PPP3CA: variants seen among roughly 807,000 people sequenced by gnomAD.
PPP3CA encodes CAM-PRP catalytic subunit.
In PPP3CA, 14 loss-of-function variants were observed where a neutral mutation model predicts 66.5. The ratio of observed to expected loss-of-function variants is 0.21; its 90% CI spans 0.14 to 0.33. The LOEUF (loss-of-function observed/expected upper bound fraction) is 0.33, where lower values mean the gene tolerates loss of function less well. PPP3CA is among the 10% of genes least tolerant of loss of function. The pLI, the probability that PPP3CA is intolerant of heterozygous loss-of-function variation, is 1.00. For missense variants in PPP3CA, 317 were observed against 639.5 expected, an observed-to-expected ratio of 0.50 and a Z score of 5.44; for synonymous variants, 232 against 226.2, an observed-to-expected ratio of 1.03 and a Z score of -0.23.
intron 1 of PPP3CA, among the ~76,000 whole-genome samples, chr4:101,279,765 G>T (rs775699597): frequency 3.3e-5 from 5 of 152,262 alleles, no homozygotes; most frequent in Admixed American, 3.3e-4. Context: ...AGCTGAAAGA[G>T]GGAAGAGCCA....
At position 101,025,286 on chromosome 4, in the gene PPP3CA, T is replaced by G. The variant is rs577582587; in HGVS notation, c.*579A>C. ...TGGCATTTTAACAAATTTGCAACGT[T>G]CTTTTTTTTCTTTTTCTGTTTTTTT... On this transcript the variant is annotated 3_prime_UTR_variant, in exon 14 of 14. Coordinates refer to ENST00000394854, the MANE Select transcript of PPP3CA (RefSeq NM_000944.5). 2.1e-5 allele frequency: 3 copies of G among 145,392 alleles called. No individual in the cohort carries two copies. The highest frequency in any genetic ancestry group is 2.2e-4 in the South Asian group (1 of 4,554). 9.0% of individuals were successfully genotyped at this position (145,392 alleles called of 1,614,324 possible).
At chr4:101,074,326 T>C (rs1729052726) in intron 8 of PPP3CA, among the ~76,000 whole-genome samples, 3 of 151,818 alleles carry the variant, frequency 2.0e-5, no homozygotes, top group Non-Finnish European at 2.9e-5. Flanking sequence ...TAGCTGATTC[T>C]GAATTTGGCT....
chr4:101,089,345 G>A (rs1377902445), intron 6 of PPP3CA, among the ~76,000 whole-genome samples: 1 of 151,752 alleles, frequency 6.6e-6, no homozygotes, highest in Admixed American at 6.5e-5. Flanking sequence ...AGGATTTCAA[G>A]ATGGAAGCGG....
At position 101,061,140 on chromosome 4, in the gene PPP3CA, A is replaced by G; in HGVS notation, c.1103T>C (p.Val368Ala). The G allele has an allele frequency of 6.2e-7, 1 of 1,612,276 alleles. No individual in the cohort carries two copies. The highest frequency in any genetic ancestry group is 8.5e-7 in the Non-Finnish European group (1 of 1,178,688). The change falls in exon 10 of 14, where the codon GTC (valine) becomes GCC (alanine). Residue 368 changes from valine to alanine, a missense_variant. Around this residue, in one of 3 missense-constraint regions of PPP3CA, gnomAD observed 201 missense variants for 501.4 expected, o/e 0.40. Transcript: ENST00000394854. ...GEKVTEMLVNVLNICSDDELG... is the reference protein window; with the variant it reads ...GEKVTEMLVNALNICSDDELG... ...TTCATCATCTGAGCAGATGTTGAGG[A>G]CATTTACCAGCATCTCAGTCACTAA...
At chr4:101,250,300 A>G in intron 1 of PPP3CA, 4 of 455,104 alleles carry the variant, frequency 8.8e-6, no homozygotes, top group Non-Finnish European at 1.3e-5. Flanking sequence ...TACTAATCCA[A>G]GCTCTACTTC....
In PPP3CA at chr4:101,197,393, C is replaced by T. The variant is rs145914438; in HGVS notation, c.59-1277G>A. ...AAGCATGATTTTCTGGACAATCCAG[C>T]CACATCTATTTCACTATGCTGTCAT... On this transcript the variant is annotated intron_variant, in intron 1 of 13. Coordinates refer to ENST00000394854, the MANE Select transcript of PPP3CA (RefSeq NM_000944.5). Among the ~76,000 whole-genome samples, 95 of 152,318 alleles carry T rather than the reference C, an allele frequency of 6.2e-4. 1 individual carries two copies. Among genetic ancestry groups the T allele is most frequent in the South Asian group, 5.4e-3 (26 of 4,830 alleles).
chr4:101,318,618 G>C (rs576092600), intron 1 of PPP3CA, among the ~76,000 whole-genome samples: 1 of 152,216 alleles, frequency 6.6e-6, no homozygotes, highest in African/African-American at 2.4e-5. Context: ...TATAGTACAA[G>C]CATAAAAGTA....
intron 1 of PPP3CA, among the ~76,000 whole-genome samples, chr4:101,277,297 T>G (rs1239228386): frequency 6.6e-6 from 1 of 152,232 alleles, no homozygotes; most frequent in Non-Finnish European, 1.5e-5. Context: ...TATCTATCCA[T>G]TCACTTATTG....
chr4:101,052,511 T>C (rs913571162), intron 10 of PPP3CA, among the ~76,000 whole-genome samples: 2 of 151,692 alleles, frequency 1.3e-5, no homozygotes, highest in East Asian at 3.9e-4. Flanking sequence ...AATAATAAAC[T>C]TATAAAGACA....
intron 10 of PPP3CA, among the ~76,000 whole-genome samples, chr4:101,056,838 A>C (rs1230050543): frequency 7.9e-6 from 1 of 126,342 alleles, no homozygotes. Flanking sequence ...AATGTTACCA[A>C]AAAAAAAAAA....
intron 2 of PPP3CA, among the ~76,000 whole-genome samples, chr4:101,166,995 G>A (rs1472227905): frequency 6.6e-6 from 1 of 152,076 alleles, no homozygotes; most frequent in Non-Finnish European, 1.5e-5. Flanking sequence ...AATTATACGT[G>A]CAATTTAGCA....
At chr4:101,100,211 T>C (rs1177151632) in intron 3 of PPP3CA, among the ~76,000 whole-genome samples, 2 of 152,056 alleles carry the variant, frequency 1.3e-5, no homozygotes, top group East Asian at 3.9e-4. Context: ...AAAGACAAGA[T>C]GTTGGGAGAG....
Position 101,313,748 on chromosome 4 carries a change from A to G in PPP3CA, c.58+32991T>C, listed in dbSNP as rs182004910. 1.4e-4 allele frequency among the ~76,000 whole-genome samples: 21 copies of G among 152,366 alleles called. No homozygotes were observed. The East Asian group carries it at 4.0e-3, about 29-fold the overall frequency. On this transcript the variant is annotated intron_variant, in intron 1 of 13. Coordinates refer to ENST00000394854, the MANE Select transcript of PPP3CA (RefSeq NM_000944.5). ...AAATTCCTAAAAGAAGGCATGATTT[A>G]TTATAAGCAAATGGCTAACCTGGCT...
intron 1 of PPP3CA, among the ~76,000 whole-genome samples, chr4:101,329,431 G>C (rs1236853148): frequency 1.3e-5 from 2 of 152,168 alleles, no homozygotes; most frequent in African/African-American, 4.8e-5. Context: ...ACATAAAAAT[G>C]CAAAGTGAAG....
At chr4:101,183,740 T>A (rs1724317427) in intron 2 of PPP3CA, among the ~76,000 whole-genome samples, 1 of 152,142 alleles carries the variant, frequency 6.6e-6, no homozygotes, top group South Asian at 2.1e-4. Context: ...TGATCCAAGT[T>A]TTTTTATTTG....
chr4:101,157,588 G>A (rs1318795382), intron 2 of PPP3CA, among the ~76,000 whole-genome samples: 1 of 152,164 alleles, frequency 6.6e-6, no homozygotes, highest in East Asian at 1.9e-4. Flanking sequence ...CAAGGAAAAT[G>A]AGACTGGTGT....
At chr4:101,072,413 GCAGT>G (rs529015817) in intron 8 of PPP3CA, among the ~76,000 whole-genome samples, 111 of 152,246 alleles carry the variant, frequency 7.3e-4, no homozygotes, top group African/African-American at 2.6e-3. Context: ...TGTGGGCTCT[GCAGT>G]CAGTCAGCTG....
chr4:101,209,450 C>T (rs1725235276), intron 1 of PPP3CA, among the ~76,000 whole-genome samples: 2 of 152,120 alleles, frequency 1.3e-5, no homozygotes, highest in African/African-American at 4.8e-5. Context: ...CTTCTGAACT[C>T]CCTTACCACT....
At position 101,347,192 on chromosome 4, in the gene PPP3CA, C is replaced by A. The variant is rs1730040703; in HGVS notation, c.-396G>T. 2 of 345,214 alleles carry A rather than the reference C, an allele frequency of 5.8e-6. No individual in the cohort carries two copies. Among genetic ancestry groups the A allele is most frequent in the Admixed American group, 4.6e-5 (1 of 21,772 alleles). 21.4% of individuals were successfully genotyped at this position (345,214 alleles called of 1,614,324 possible). A position where few individuals can be genotyped will look rare whatever the true frequency, so the allele number is the denominator to read the frequency against. On this transcript the variant is annotated 5_prime_UTR_variant, in exon 1 of 14. Transcript: ENST00000394854. Reference sequence around the variant, plus strand: ...CAGCACCGCGGAATGGAGCCCCACGCGCGCACACACGGCCAGGATTAAGAC... The same window carrying A: ...CAGCACCGCGGAATGGAGCCCCACGAGCGCACACACGGCCAGGATTAAGAC...
Sources: gnomAD v4.1 joint callset for allele counts (sites outside exome capture counted in the v4.1 genomes callset) on GRCh38, gnomAD v4.1.1 for gene constraint, gnomAD v4.1.1 regional missense constraint, MANE v1.5 for transcripts, NCBI Gene and HGNC (gene_info 2026-07-23, HGNC 2026-07-21) for gene names.